Variants in ARSH observed in about 807,000 individuals in gnomAD.
ARSH encodes arylsulfatase H.
In ARSH, 32 loss-of-function variants were observed where a neutral mutation model predicts 28.7. The ratio of observed to expected loss-of-function variants is 1.11; its 90% CI spans 0.84 to 1.50. The LOEUF (loss-of-function observed/expected upper bound fraction) is 1.50, where lower values mean the gene tolerates loss of function less well. Among genes scored for constraint, ARSH ranks in the 40% most tolerant of loss-of-function variants. The probability of loss-of-function intolerance (pLI) is 0.00; values close to 1 mark genes in which losing one functional copy is unlikely to be tolerated. For synonymous variants in ARSH, 176 were observed against 177.3 expected (o/e 0.99, Z 0.06); for missense variants, 440 against 452.4 (o/e 0.97, Z 0.25).
intron 6 of ARSH, among the ~76,000 whole-genome samples, chrX:3,026,893 C>T (rs1193335703): frequency 1.8e-5 from 2 of 110,670 alleles, no homozygotes; most frequent in Non-Finnish European, 3.8e-5. Context: ...ACCCTGTCAC[C>T]GAGGCTGGAG....
Position 3,033,459 on chromosome X carries a change from G to A in ARSH, c.*74G>A, listed in dbSNP as rs1603463673. ...TCATAGGAGCAGAGCTCACCTGACT[G>A]ATTCATTCCATTTGGGATAAAAACT... is the stretch of plus-strand genomic sequence containing the variant. On this transcript the variant is annotated 3_prime_UTR_variant, in exon 9 of 9. Transcript: ENST00000381130. 2 of 1,026,440 alleles carry A rather than the reference G, an allele frequency of 1.9e-6. No individual in the cohort carries two copies. The highest frequency in any genetic ancestry group is 7.9e-4 in the Middle Eastern group (2 of 2,541). 84.6% of individuals were successfully genotyped at this position (1,026,440 alleles called of 1,213,427 possible).
At chrX:3,027,545 C>T (rs755931273) in intron 7 of ARSH, 70 bp downstream of exon 7, 1 of 1,052,099 alleles carries the variant, frequency 9.5e-7, no homozygotes, top group South Asian at 2.1e-5. Context: ...CTTGATAATT[C>T]TATGTGTGTG....
At position 3,018,581 on chromosome X, in the gene ARSH, A is replaced by G. The variant is rs199751114; in HGVS notation, c.812A>G (p.His271Arg). The change falls in exon 5 of 9, where the codon CAT (histidine) becomes CGT (arginine). Residue 271 changes from histidine (H) to arginine (R), a missense_variant. Coordinates refer to ENST00000381130, the MANE Select transcript of ARSH (RefSeq NM_001011719.2). Reference protein sequence around the residue: ...FLLFFSFLHVHTPLISKKKFV... With the variant: ...FLLFFSFLHVRTPLISKKKFV... ...CTCTTTTTTTCCTTCCTGCACGTAC[A>G]TACTCCACTCATCTCCAAAAAGAAG... 1.3e-4 allele frequency: 160 copies of G among 1,209,230 alleles called. 1 individual carries two copies. The highest frequency in any genetic ancestry group is 7.7e-4 in the South Asian group (44 of 56,775).
At chrX:3,006,819 C>G (rs7878711) in intron 1 of ARSH, 115 bp downstream of exon 1, 68,555 of 600,408 alleles carry the variant, frequency 0.11, 3,446 homozygotes, top group African/African-American at 0.25. Context: ...CTGATGTTAT[C>G]GGCAGGAATA....
chrX:3,033,390 A>G lies in ARSH; in HGVS notation c.*5A>G, dbSNP rs777174842. On this transcript the variant is annotated 3_prime_UTR_variant, in exon 9 of 9. Coordinates refer to ENST00000381130, the MANE Select transcript of ARSH (RefSeq NM_001011719.2). Reference sequence around the variant, plus strand: ...ATCCTTCCCATGGCTCCCTGAGACCATGCGGACCACGTGTTACCCACCACA... The same window carrying G: ...ATCCTTCCCATGGCTCCCTGAGACCGTGCGGACCACGTGTTACCCACCACA... The G allele has an allele frequency of 2.5e-6, 3 of 1,192,014 alleles. No individual in the cohort carries two copies. Among genetic ancestry groups the G allele is most frequent in the East Asian group, 3.0e-5 (1 of 33,586 alleles).
intron 8 of ARSH, 83 bp downstream of exon 8, chrX:3,029,451 A>G (rs2089908016): frequency 9.1e-7 from 1 of 1,095,759 alleles, no homozygotes; most frequent in Non-Finnish European, 1.2e-6. Flanking sequence ...AAGCTGCACC[A>G]TGTGCAGATA....
chrX:3,020,012 G>A (rs769670921), intron 5 of ARSH, among the ~76,000 whole-genome samples: 2 of 109,476 alleles, frequency 1.8e-5, no homozygotes, highest in East Asian at 5.8e-4. Flanking sequence ...GGGGCCAGGC[G>A]TGGTGGCTCA....
intron 5 of ARSH, among the ~76,000 whole-genome samples, chrX:3,020,440 T>C (rs2089879249): frequency 9.8e-6 from 1 of 102,012 alleles, no homozygotes; most frequent in Non-Finnish European, 2.0e-5. Flanking sequence ...ATAGAAAAAA[T>C]GAGCCGGGCG....
At chrX:3,007,411 G>A (rs1018844836) in intron 1 of ARSH, among the ~76,000 whole-genome samples, 1 of 111,404 alleles carries the variant, frequency 9.0e-6, no homozygotes, top group South Asian at 3.8e-4. Context: ...CTGTCTCTAT[G>A]GATGTGTCTC....
intron 6 of ARSH, among the ~76,000 whole-genome samples, chrX:3,026,320 T>G (rs1218592211): frequency 9.1e-6 from 1 of 110,406 alleles, no homozygotes; most frequent in Non-Finnish European, 1.9e-5. Context: ...AAAATAAAAA[T>G]AAAAAAAGAA....
intron 5 of ARSH, among the ~76,000 whole-genome samples, chrX:3,023,399 CAT>C (rs72076052): frequency 0.013 from 1,327 of 104,627 alleles, 19 homozygotes; most frequent in African/African-American, 0.041. Flanking sequence ...TGTCAATAAA[CAT>C]ATATTTTTAC....
chrX:3,027,877 G>A (rs1258921135), intron 7 of ARSH, among the ~76,000 whole-genome samples: 7 of 111,497 alleles, frequency 6.3e-5, no homozygotes, highest in Admixed American at 2.9e-4. Flanking sequence ...CAAGGCTGGC[G>A]GATCACTTGA....
Position 3,027,487 on chromosome X carries a change from G to C in ARSH, c.1199+12G>C. 8.3e-7 allele frequency: 1 copy of C among 1,204,627 alleles called. No homozygotes were observed. The highest frequency in any genetic ancestry group is 1.8e-5 in the South Asian group (1 of 55,834). ...TTGTCCCAGGACAGGTATGGAAACAGTGTTTGCTCCTAACCTAGGGTGATA... is the reference window on the plus strand; with the variant it reads ...TTGTCCCAGGACAGGTATGGAAACACTGTTTGCTCCTAACCTAGGGTGATA... On this transcript the variant is annotated intron_variant, in intron 7 of 8. Transcript: ENST00000381130.
In ARSH at chrX:3,027,380, C is replaced by T. The variant is rs755907480; in HGVS notation, c.1104C>T (p.Val368=). The T allele has an allele frequency of 5.0e-6, 6 of 1,209,525 alleles. No homozygotes were observed. The African/African-American group carries it at 7.0e-5, about 14-fold the overall frequency. The part of the protein sequence containing the change: ...RVPGIFRWPS[V]LEAGRVINEP... ...CAGGGATATTCCGGTGGCCGTCAGT[C>T]TTGGAGGCTGGGAGAGTGATCAATG... Residue 368 remains valine (V), a synonymous_variant, in exon 7 of 9, where the codon GTC becomes GTT. Transcript: ENST00000381130.
intron 5 of ARSH, among the ~76,000 whole-genome samples, chrX:3,022,098 A>G (rs979286324): frequency 1.5e-4 from 17 of 110,879 alleles, no homozygotes; most frequent in Non-Finnish European, 3.2e-4. Flanking sequence ...AGGTCTTATA[A>G]GTGACCTATT....
At chrX:3,006,780 G>A in intron 1 of ARSH, 76 bp downstream of exon 1, 2 of 871,908 alleles carry the variant, frequency 2.3e-6, no homozygotes, top group Non-Finnish European at 3.3e-6. Flanking sequence ...TGCCGTTGCA[G>A]AGAAGGGTTT....
At chrX:3,007,534 TC>T (rs1399708387) in intron 1 of ARSH, among the ~76,000 whole-genome samples, 1 of 111,927 alleles carries the variant, frequency 8.9e-6, no homozygotes, top group African/African-American at 3.2e-5. Context: ...TCTCTCACAG[TC>T]CTGGAGGCTG....
At chrX:3,020,474 A>G (rs1190294351) in intron 5 of ARSH, among the ~76,000 whole-genome samples, 1 of 103,717 alleles carries the variant, frequency 9.6e-6, no homozygotes, top group Admixed American at 1.1e-4. Flanking sequence ...CTGTAGTCCC[A>G]GCTACTCCGG....
At chrX:3,031,139 A>G in intron 8 of ARSH, among the ~76,000 whole-genome samples, 1 of 111,156 alleles carries the variant, frequency 9.0e-6, no homozygotes, top group Non-Finnish European at 1.9e-5. Flanking sequence ...TCTCAAAAAA[A>G]AAAAAAAGTC....
Sources: allele counts gnomAD v4.1 joint callset (sites outside exome capture counted in the v4.1 genomes callset), GRCh38; gene constraint gnomAD v4.1.1; transcripts MANE v1.5; gene names NCBI Gene and HGNC (gene_info 2026-07-23, HGNC 2026-07-21).